SLC5A10: variants seen among roughly 807,000 people sequenced by gnomAD.
SLC5A10 encodes solute carrier family 5 member 10.
Under a neutral mutation model 68.9 loss-of-function variants are expected in SLC5A10, and 55 were observed. That is an observed-to-expected ratio of 0.80 (90% confidence interval 0.64 to 1.00). The LOEUF (loss-of-function observed/expected upper bound fraction) is 1.00, where lower values mean the gene tolerates loss of function less well. Ranked by LOEUF, SLC5A10 falls within the 50% of genes least tolerant of loss-of-function variation. The pLI, the probability that SLC5A10 is intolerant of heterozygous loss-of-function variation, is 0.00. For missense variants in SLC5A10, 732 were observed against 819.3 expected, an observed-to-expected ratio of 0.89 and a Z score of 1.30; for synonymous variants, 344 against 344.8, an observed-to-expected ratio of 1.00 and a Z score of 0.02.
chr17:18,966,285 C>T (rs1029476154), intron 5 of SLC5A10, among the ~76,000 whole-genome samples: 1 of 152,150 alleles, frequency 6.6e-6, no homozygotes, highest in African/African-American at 2.4e-5. Context: ...ACCAGTTGCT[C>T]CGGCCCCATG....
intron 8 of SLC5A10, among the ~76,000 whole-genome samples, chr17:18,973,527 C>T (rs2042906762): frequency 6.6e-6 from 1 of 152,176 alleles, no homozygotes; most frequent in South Asian, 2.1e-4. Context: ...GAAACCCAGG[C>T]ACTAGTCCTA....
At chr17:18,991,362 G>A (rs915617835) in intron 9 of SLC5A10, among the ~76,000 whole-genome samples, 1 of 152,232 alleles carries the variant, frequency 6.6e-6, no homozygotes. Context: ...GTCAAATGGG[G>A]GTGTGGGCCT....
intron 9 of SLC5A10, among the ~76,000 whole-genome samples, chr17:18,997,188 C>T (rs986926673): frequency 1.3e-5 from 2 of 152,272 alleles, no homozygotes; most frequent in Non-Finnish European, 2.9e-5. Flanking sequence ...CCAGAGCGCT[C>T]TGACCAGGAG....
At chr17:18,978,182 T>C in intron 9 of SLC5A10, 3 of 1,547,012 alleles carry the variant, frequency 1.9e-6, no homozygotes, top group Non-Finnish European at 2.6e-6. Context: ...AGGGTCCCCC[T>C]GGGGGAGGCC....
Position 18,956,758 on chromosome 17 carries a change from G to A in SLC5A10, c.112-1924G>A, listed in dbSNP as rs59219900. Among the ~76,000 whole-genome samples, 1,247 of 152,242 alleles carry A rather than the reference G, an allele frequency of 8.2e-3. 12 individuals carry two copies. The highest frequency in any genetic ancestry group is 0.028 in the African/African-American group (1,151 of 41,548). On this transcript the variant is annotated intron_variant, in intron 1 of 14. Transcript: ENST00000395645. ...CCCAAAGTGTTGGGATTACAGGCATGAGCCACCACGCCTGGATGATTTAAC... is the reference window on the plus strand; with the variant it reads ...CCCAAAGTGTTGGGATTACAGGCATAAGCCACCACGCCTGGATGATTTAAC...
At chr17:18,977,855 G>T in intron 9 of SLC5A10, 1 of 1,611,010 alleles carries the variant, frequency 6.2e-7, no homozygotes, top group Non-Finnish European at 8.5e-7. Flanking sequence ...TCGGGGGCCA[G>T]GGCCACGGCC....
chr17:18,989,865 G>A (rs950735986), intron 9 of SLC5A10, among the ~76,000 whole-genome samples: 1 of 152,190 alleles, frequency 6.6e-6, no homozygotes, highest in African/African-American at 2.4e-5. Context: ...CCAGGGCCTG[G>A]ACCTACCTCC....
At position 18,971,194 on chromosome 17, in the gene SLC5A10, C is replaced by T. The variant is rs748658648; in HGVS notation, c.822C>T (p.Ala274=). The change falls in exon 8 of 15, where the codon GCC becomes GCT. Residue 274 remains alanine, a synonymous_variant. Coordinates refer to ENST00000395645, the MANE Select transcript of SLC5A10 (RefSeq NM_001042450.4). The surrounding 1 kb of genome is among the most constrained non-coding windows in gnomAD (Gnocchi z 5.5). ...TGACCTTTGGCCTGACCATCATGGC[C>T]ACCTGGTACTGGTGCACCGACCAGG... ...TGMTFGLTIM[A]TWYWCTDQVI... The T allele has an allele frequency of 2.5e-6, 4 of 1,614,002 alleles. No homozygotes were observed. Among genetic ancestry groups the T allele is most frequent in the Non-Finnish European group, 3.4e-6 (4 of 1,180,044 alleles).
chr17:18,967,824 T>C (rs192955916), intron 5 of SLC5A10, among the ~76,000 whole-genome samples: 1 of 152,078 alleles, frequency 6.6e-6, no homozygotes, highest in East Asian at 1.9e-4. Flanking sequence ...CCTGCTCTGA[T>C]ATTCAGCACC....
chr17:19,015,107 C>T lies in SLC5A10; in HGVS notation c.1149C>T (p.Ser383=). ...CGGCGCTCATGTCGTCGCTGACCTCCATCTTCAACAGCAGCAGCACCCTCT... is the reference window on the plus strand; with the variant it reads ...CGGCGCTCATGTCGTCGCTGACCTCTATCTTCAACAGCAGCAGCACCCTCT... ...MLAALMSSLT[S]IFNSSSTLFT... The change falls in exon 11 of 15, where the codon TCC becomes TCT. Residue 383 remains serine (S), a synonymous_variant. Transcript: ENST00000395645. 1.2e-6 allele frequency: 2 copies of T among 1,613,960 alleles called. 1 individual carries two copies. The highest frequency in any genetic ancestry group is 3.3e-5 in the Admixed American group (2 of 60,028).
Position 18,971,714 on chromosome 17 carries a change from G to A in SLC5A10, c.846+496G>A, listed in dbSNP as rs879170912. 6.3e-7 allele frequency: 1 copy of A among 1,596,732 alleles called. No homozygotes were observed. Among genetic ancestry groups the A allele is most frequent in the Non-Finnish European group, 8.6e-7 (1 of 1,169,370 alleles). On this transcript the variant is annotated intron_variant, in intron 8 of 14. Coordinates refer to ENST00000395645, the MANE Select transcript of SLC5A10 (RefSeq NM_001042450.4). The surrounding 1 kb of genome is among the most constrained non-coding windows in gnomAD (Gnocchi z 5.5). Reference sequence around the variant, plus strand: ...GAAGCCGTCTTTATCCCTAGTCCCTGAGGCAGGGACCCTGTGATGATGAAA... The same window carrying A: ...GAAGCCGTCTTTATCCCTAGTCCCTAAGGCAGGGACCCTGTGATGATGAAA...
At chr17:18,957,078 G>A (rs141548820) in intron 1 of SLC5A10, among the ~76,000 whole-genome samples, 13 of 152,302 alleles carry the variant, frequency 8.5e-5, no homozygotes, top group African/African-American at 3.1e-4. Flanking sequence ...GAACCCGGGA[G>A]GTGAAGGTTG....
At chr17:18,965,632 G>C (rs994333556) in intron 5 of SLC5A10, among the ~76,000 whole-genome samples, 2 of 152,168 alleles carry the variant, frequency 1.3e-5, no homozygotes, top group Non-Finnish European at 2.9e-5. Context: ...TGCAGAGCCC[G>C]CCAGATCAGT....
Position 19,020,600 on chromosome 17 carries a change from G to C in SLC5A10, c.*169G>C. The C allele has an allele frequency of 3.3e-6, 2 of 600,790 alleles. No individual in the cohort carries two copies. The highest frequency in any genetic ancestry group is 5.9e-6 in the Non-Finnish European group (2 of 340,534). The allele number at this position is 600,790 out of a possible 1,614,324, so 37.2% of individuals were successfully genotyped here. ...AAAGCGGGAGCCCTGAAAAATTAGG[G>C]GGGAAATGGGAGAAAATAATGTGAC... On this transcript the variant is annotated 3_prime_UTR_variant, in exon 15 of 15. Transcript: ENST00000395645.
chr17:18,970,849 A>G (rs914531643), intron 7 of SLC5A10, 164 bp from the exon 8 acceptor site: 26 of 617,478 alleles, frequency 4.2e-5, no homozygotes, highest in Non-Finnish European at 7.4e-5. Context: ...AAAAAAAAAC[A>G]ACCCTCTACC....
chr17:18,977,981 T>C (rs768885597), intron 9 of SLC5A10: 2 of 1,581,454 alleles, frequency 1.3e-6, no homozygotes, highest in Non-Finnish European at 1.7e-6. Context: ...GGGGTCATCC[T>C]GGGTCACAGA....
At position 19,017,859 on chromosome 17, in the gene SLC5A10, G is replaced by C; in HGVS notation, c.1242-1564G>C. Reference sequence around the variant, plus strand: ...ATGGGAGGGAGTGGCATTCCAGGCAGAAGGAGCAGCCTCTGGGTTTGGGGG... The same window carrying C: ...ATGGGAGGGAGTGGCATTCCAGGCACAAGGAGCAGCCTCTGGGTTTGGGGG... On this transcript the variant is annotated intron_variant, in intron 11 of 14. Transcript: ENST00000395645. The surrounding 1 kb of genome is among the most constrained non-coding windows in gnomAD (Gnocchi z 5.6). 1 of 157,188 alleles carries C rather than the reference G, an allele frequency of 6.4e-6. No homozygotes were observed. 9.7% of individuals were successfully genotyped at this position (157,188 alleles called of 1,614,324 possible).
At chr17:18,954,428 C>T (rs1466114846) in intron 1 of SLC5A10, among the ~76,000 whole-genome samples, 1 of 152,216 alleles carries the variant, frequency 6.6e-6, no homozygotes, top group Non-Finnish European at 1.5e-5. Flanking sequence ...CAGGCTGGTG[C>T]CCCTGGAAGT....
chr17:19,021,495 C>A lies in SLC5A10; in HGVS notation c.*1064C>A, dbSNP rs1464702897. The stretch of plus-strand genomic sequence containing the variant: ...AGTCTGTCCTTCGAGGCTGAGCCAC[C>A]TCCCAACAGCCTGAACAACTCCAGG... On this transcript the variant is annotated 3_prime_UTR_variant, in exon 15 of 15. Coordinates refer to ENST00000395645, the MANE Select transcript of SLC5A10 (RefSeq NM_001042450.4). This position sits in a 1 kb window ranked among gnomAD's most constrained non-coding sequence, Gnocchi z 4.1. 1 of 251,164 alleles carries A rather than the reference C, an allele frequency of 4.0e-6. No homozygotes were observed. Among genetic ancestry groups the A allele is most frequent in the Non-Finnish European group, 7.6e-6 (1 of 132,360 alleles). The allele number at this position is 251,164 out of a possible 1,614,324, so 15.6% of individuals were successfully genotyped here.
Sources: allele counts gnomAD v4.1 joint callset (sites outside exome capture counted in the v4.1 genomes callset), GRCh38; gene constraint gnomAD v4.1.1; non-coding constraint Gnocchi (gnomAD v3.1); transcripts MANE v1.5; gene names NCBI Gene and HGNC (gene_info 2026-07-23, HGNC 2026-07-21).